Variants in ST6GAL1 observed in about 807,000 individuals in gnomAD.
The protein encoded by ST6GAL1 is ST6 beta-galactoside alpha-2,6-sialyltransferase 1, also known as beta-galactoside alpha-2,6-sialyltransferase 1.
In ST6GAL1, 20 loss-of-function variants were observed where a neutral mutation model predicts 38.0. The ratio of observed to expected loss-of-function variants is 0.53; its 90% confidence interval spans 0.37 to 0.77. ST6GAL1 has a LOEUF of 0.77. ST6GAL1 is among the 30% of genes least tolerant of loss of function. The pLI is 0.00. For missense variants in ST6GAL1, 432 were observed against 496.4 expected (o/e 0.87, Z 1.23); for synonymous variants, 196 against 188.2 (o/e 1.04, Z -0.34).
intron 3 of ST6GAL1, among the ~76,000 whole-genome samples, chr3:187,039,780 T>C (rs904718316): frequency 6.6e-6 from 1 of 152,232 alleles, no homozygotes; most frequent in African/African-American, 2.4e-5. Flanking sequence ...CAGTTATAAG[T>C]GCCTGTGACC....
intron 1 of ST6GAL1, among the ~76,000 whole-genome samples, chr3:186,957,521 A>G (rs1489680313): frequency 2.0e-5 from 3 of 152,202 alleles, no homozygotes; most frequent in Non-Finnish European, 4.4e-5. Flanking sequence ...AGACTCGCAG[A>G]AAAAGAGAAT....
intron 1 of ST6GAL1, among the ~76,000 whole-genome samples, chr3:186,941,382 A>G (rs1383781332): frequency 6.6e-6 from 1 of 152,198 alleles, no homozygotes; most frequent in East Asian, 1.9e-4. Flanking sequence ...GGTCCCCTCC[A>G]GAGAGTGATA....
At chr3:187,015,688 A>T (rs1717091814) in intron 2 of ST6GAL1, among the ~76,000 whole-genome samples, 1 of 151,952 alleles carries the variant, frequency 6.6e-6, no homozygotes, top group Non-Finnish European at 1.5e-5. Context: ...AAATTACAAA[A>T]ATTAGATGGG....
At position 187,072,970 on chromosome 3, in the gene ST6GAL1, T is replaced by C. The variant is rs75420556; in HGVS notation, c.804+23T>C. Reference sequence around the variant, plus strand: ...AAGGTAAGTGGGTGTCCGTGGGAAATAGGGGTTGAGTTTCCTGTCTGTCTA... The same window carrying C: ...AAGGTAAGTGGGTGTCCGTGGGAAACAGGGGTTGAGTTTCCTGTCTGTCTA... On this transcript the variant is annotated intron_variant, in intron 6 of 7. Transcript: ENST00000169298. 1.9e-3 allele frequency: 2,989 copies of C among 1,574,718 alleles called. 32 individuals are homozygous for C. In the African/African-American group the frequency reaches 0.031, roughly 16 times the overall value.
Position 187,075,631 on chromosome 3 carries a change from C to G in ST6GAL1, c.1049C>G (p.Thr350Ser). 1 of 1,614,218 alleles carries G rather than the reference C, an allele frequency of 6.2e-7. No individual in the cohort carries two copies. Among genetic ancestry groups the G allele is most frequent in the Non-Finnish European group, 8.5e-7 (1 of 1,180,034 alleles). Residue 350 changes from threonine to serine, a missense_variant, in exon 8 of 8, where the codon ACT becomes AGT. Physicochemically the swap from Thr to Ser is moderately conservative, Grantham distance 58. Coordinates refer to ENST00000169298, the MANE Select transcript of ST6GAL1 (RefSeq NM_173216.2). This position sits in a 1 kb window ranked among gnomAD's most constrained non-coding sequence, Gnocchi z 4.1. ...GAGTTCCTCCCATCCAAGCGCAAGACTGACGTGTGCTACTACTACCAGAAG... is the reference window on the plus strand; with the variant it reads ...GAGTTCCTCCCATCCAAGCGCAAGAGTGACGTGTGCTACTACTACCAGAAG... ...IYEFLPSKRK[T>S]DVCYYYQKFF...
chr3:186,974,306 A>G (rs1579285463), intron 2 of ST6GAL1, among the ~76,000 whole-genome samples: 1 of 152,210 alleles, frequency 6.6e-6, no homozygotes, highest in Non-Finnish European at 1.5e-5. Flanking sequence ...CCGATACTGC[A>G]GGAACCGACT....
intron 2 of ST6GAL1, among the ~76,000 whole-genome samples, chr3:187,001,643 G>T (rs1376922572): frequency 2.0e-5 from 3 of 151,884 alleles, no homozygotes; most frequent in Non-Finnish European, 4.4e-5. Context: ...CACATAAAGG[G>T]CCCACCATAT....
intron 2 of ST6GAL1, among the ~76,000 whole-genome samples, chr3:187,026,515 C>G (rs1194180771): frequency 6.6e-6 from 1 of 152,228 alleles, no homozygotes; most frequent in Non-Finnish European, 1.5e-5. Flanking sequence ...CAGCACAGCC[C>G]TGCAGAGGCA....
intron 3 of ST6GAL1, chr3:187,041,959 A>G (rs780582661): frequency 6.6e-6 from 1 of 152,170 alleles, no homozygotes; most frequent in Non-Finnish European, 1.5e-5. Flanking sequence ...CCTAGCCTCT[A>G]TCATGAGGTG....
At chr3:187,039,125 C>T (rs948298868) in intron 3 of ST6GAL1, among the ~76,000 whole-genome samples, 1 of 152,152 alleles carries the variant, frequency 6.6e-6, no homozygotes, top group Non-Finnish European at 1.5e-5. Flanking sequence ...TTCAGTCAAC[C>T]ATTCTGAGTA....
intron 5 of ST6GAL1, among the ~76,000 whole-genome samples, chr3:187,056,358 T>C (rs2160472): frequency 0.29 from 44,169 of 152,078 alleles, 7,352 homozygotes; most frequent in South Asian, 0.41. Context: ...TGTTAGCTGG[T>C]TATTTTGCCC....
At chr3:186,999,935 G>T (rs1193897572) in intron 2 of ST6GAL1, among the ~76,000 whole-genome samples, 1 of 151,756 alleles carries the variant, frequency 6.6e-6, no homozygotes, top group Non-Finnish European at 1.5e-5. Flanking sequence ...GAACTTGTGG[G>T]CTTGGGATCC....
chr3:187,039,378 C>T (rs1256716273), intron 3 of ST6GAL1, among the ~76,000 whole-genome samples: 1 of 152,194 alleles, frequency 6.6e-6, no homozygotes, highest in Non-Finnish European at 1.5e-5. Context: ...AGGCACTGTG[C>T]TGGGTACTAG....
chr3:186,983,169 A>G (rs1245466806), intron 2 of ST6GAL1, among the ~76,000 whole-genome samples: 1 of 152,130 alleles, frequency 6.6e-6, no homozygotes, highest in South Asian at 2.1e-4. Flanking sequence ...AAATGTTTCC[A>G]TTCATTCACC....
At chr3:187,017,179 G>C (rs1360270576) in intron 2 of ST6GAL1, among the ~76,000 whole-genome samples, 3 of 152,144 alleles carry the variant, frequency 2.0e-5, no homozygotes, top group African/African-American at 7.2e-5. Context: ...CTTGAGCCGT[G>C]TGTTGACTCA....
intron 3 of ST6GAL1, chr3:187,041,821 C>A (rs908049052): frequency 7.9e-5 from 12 of 152,138 alleles, no homozygotes; most frequent in African/African-American, 2.9e-4. Context: ...ATGCGTGGTG[C>A]CCCCAGAGTT....
chr3:186,997,046 G>A (rs1260028818), intron 2 of ST6GAL1, among the ~76,000 whole-genome samples: 1 of 151,930 alleles, frequency 6.6e-6, no homozygotes, highest in Non-Finnish European at 1.5e-5. Context: ...GCGGGCAGGT[G>A]GGAAGGAAGA....
intron 4 of ST6GAL1, among the ~76,000 whole-genome samples, chr3:187,050,557 A>G (rs990688839): frequency 7.0e-6 from 1 of 142,858 alleles, no homozygotes; most frequent in East Asian, 2.0e-4. Context: ...AGAGAGAGAG[A>G]GAGGGAGGGA....
At chr3:187,029,590 G>A (rs1254065836) in intron 2 of ST6GAL1, among the ~76,000 whole-genome samples, 2 of 152,196 alleles carry the variant, frequency 1.3e-5, no homozygotes, top group African/African-American at 4.8e-5. Flanking sequence ...TGAATAGACT[G>A]GACAAGTAGC....
Sources: allele counts gnomAD v4.1 joint callset (sites outside exome capture counted in the v4.1 genomes callset), GRCh38; gene constraint gnomAD v4.1.1; non-coding constraint Gnocchi (gnomAD v3.1); transcripts MANE v1.5; gene names NCBI Gene and HGNC (gene_info 2026-07-23, HGNC 2026-07-21).